SORCS2: variants seen among roughly 807,000 people sequenced by gnomAD.
The protein encoded by SORCS2 is VPS10 domain-containing receptor SorCS2.
A neutral mutation model predicts 141.6 loss-of-function variants in SORCS2; 100 were observed. That is an observed-to-expected ratio of 0.71 (90% CI 0.60 to 0.83). SORCS2 has a LOEUF of 0.83. Among genes scored for constraint, SORCS2 ranks in the 40% least tolerant of loss-of-function variants. The pLI is 0.00. For synonymous variants in SORCS2, 789 were observed against 676.9 expected, an observed-to-expected ratio of 1.17 and a Z score of -2.57; for missense variants, 1,646 against 1,560.2, an observed-to-expected ratio of 1.05 and a Z score of -0.93.
rs1008455709 is a variant in SORCS2 at position 7,201,777 on chromosome 4, G to T, written c.480+8651G>T. On this transcript the variant is annotated intron_variant, in intron 1 of 26. Coordinates refer to ENST00000507866, the MANE Select transcript of SORCS2 (RefSeq NM_020777.3). This position sits in a 1 kb window ranked among gnomAD's most constrained non-coding sequence, Gnocchi z 4.4. Reference sequence around the variant, plus strand: ...TCGCCCCTCCTTAGTCGCTAGTTTGGGTGGGTGCTCTGTGGATTGCAGGGA... The same window carrying T: ...TCGCCCCTCCTTAGTCGCTAGTTTGTGTGGGTGCTCTGTGGATTGCAGGGA... Among the ~76,000 whole-genome samples the T allele has an allele frequency of 6.6e-6, 1 of 152,164 alleles. No individual in the cohort carries two copies. The highest frequency in any genetic ancestry group is 1.5e-5 in the Non-Finnish European group (1 of 68,040).
chr4:7,577,585 G>T (rs369470945), intron 3 of SORCS2, among the ~76,000 whole-genome samples: 1 of 147,618 alleles, frequency 6.8e-6, no homozygotes, highest in East Asian at 2.0e-4. Context: ...GCATACAGGC[G>T]AAGTCAGCTA....
At chr4:7,239,853 G>T (rs984101561) in intron 1 of SORCS2, among the ~76,000 whole-genome samples, 3 of 152,200 alleles carry the variant, frequency 2.0e-5, no homozygotes, top group Admixed American at 1.3e-4. Flanking sequence ...TGTCAATGAG[G>T]GTGAACAGCC....
At chr4:7,284,609 G>T (rs1464357198) in intron 1 of SORCS2, among the ~76,000 whole-genome samples, 4 of 152,176 alleles carry the variant, frequency 2.6e-5, no homozygotes, top group African/African-American at 9.7e-5. Context: ...GAGGCCTGAA[G>T]GGGTCATGTC....
intron 10 of SORCS2, among the ~76,000 whole-genome samples, chr4:7,687,267 G>A (rs376402628): frequency 7.2e-5 from 11 of 152,220 alleles, no homozygotes; most frequent in South Asian, 2.1e-4. Flanking sequence ...CTTCTGCAGC[G>A]CAGAAGCCCA....
chr4:7,632,453 C>T (rs1319543032), intron 3 of SORCS2, among the ~76,000 whole-genome samples: 2 of 152,226 alleles, frequency 1.3e-5, no homozygotes, highest in Admixed American at 6.5e-5. Context: ...GTTTTCTTTG[C>T]TCCAATAATC....
chr4:7,305,024 C>T (rs1331495949), intron 1 of SORCS2, among the ~76,000 whole-genome samples: 3 of 132,428 alleles, frequency 2.3e-5, no homozygotes, highest in Non-Finnish European at 4.8e-5. Flanking sequence ...GGCCGACATT[C>T]TGGCTCTTCT....
At chr4:7,681,226 A>G (rs1032900176) in intron 9 of SORCS2, among the ~76,000 whole-genome samples, 3 of 152,178 alleles carry the variant, frequency 2.0e-5, no homozygotes, top group South Asian at 2.1e-4. Context: ...ACCTGCATGT[A>G]TGTTACCTTA....
intron 1 of SORCS2, among the ~76,000 whole-genome samples, chr4:7,206,167 G>T (rs2108871967): frequency 6.6e-6 from 1 of 152,350 alleles, no homozygotes; most frequent in South Asian, 2.1e-4. Context: ...TCCCTCTGCA[G>T]TCCTGTCCCC....
chr4:7,263,246 T>C (rs981705483), intron 1 of SORCS2, among the ~76,000 whole-genome samples: 2 of 152,308 alleles, frequency 1.3e-5, no homozygotes, highest in Middle Eastern at 3.4e-3. Context: ...TGAGTCATTG[T>C]TGAAATCTGT....
chr4:7,584,311 C>G (rs1560404885), intron 3 of SORCS2, among the ~76,000 whole-genome samples: 1 of 152,186 alleles, frequency 6.6e-6, no homozygotes, highest in Non-Finnish European at 1.5e-5. Context: ...TTGGGAACCC[C>G]AGAGGCCCAG....
At chr4:7,599,940 C>T (rs1225288455) in intron 3 of SORCS2, among the ~76,000 whole-genome samples, 1 of 151,880 alleles carries the variant, frequency 6.6e-6, no homozygotes, top group Non-Finnish European at 1.5e-5. Context: ...TCTCACGCCT[C>T]AGCCTCCCAA....
intron 3 of SORCS2, among the ~76,000 whole-genome samples, chr4:7,601,242 C>G (rs2158278): frequency 6.6e-6 from 1 of 151,878 alleles, no homozygotes; most frequent in African/African-American, 2.4e-5. Flanking sequence ...AAAAAACCAG[C>G]TTTGATTTAG....
intron 3 of SORCS2, among the ~76,000 whole-genome samples, chr4:7,581,230 A>G (rs1341386533): frequency 1.3e-5 from 2 of 151,590 alleles, no homozygotes; most frequent in Non-Finnish European, 2.9e-5. Context: ...AGAAAAATAT[A>G]AATTATAATA....
intron 1 of SORCS2, among the ~76,000 whole-genome samples, chr4:7,215,617 T>C (rs139756630): frequency 0.32 from 48,124 of 151,808 alleles, 8,294 homozygotes; most frequent in Non-Finnish European, 0.39. Flanking sequence ...ACGTGGAGAA[T>C]CTTTATGTCT....
Position 7,661,578 on chromosome 4 carries a change from T to C in SORCS2, c.952+14T>C, listed in dbSNP as rs1056235368. On this transcript the variant is annotated intron_variant, in intron 6 of 26. Transcript: ENST00000507866. Reference sequence around the variant, plus strand: ...ACCTCGGTGGAGGTAAGCCGGGCAGTGCACAGGCACCGGGTATCCCTGAGT... The same window carrying C: ...ACCTCGGTGGAGGTAAGCCGGGCAGCGCACAGGCACCGGGTATCCCTGAGT... 3.9e-6 allele frequency: 6 copies of C among 1,551,260 alleles called. No homozygotes were observed. Among genetic ancestry groups the C allele is most frequent in the Admixed American group, 2.0e-5 (1 of 50,950 alleles).
At chr4:7,339,819 G>C (rs929243387) in intron 1 of SORCS2, among the ~76,000 whole-genome samples, 1 of 152,202 alleles carries the variant, frequency 6.6e-6, no homozygotes, top group Non-Finnish European at 1.5e-5. Flanking sequence ...GCAAATCCTG[G>C]GTTTGGGAAG....
chr4:7,346,822 C>G (rs1720678946), intron 1 of SORCS2, among the ~76,000 whole-genome samples: 1 of 152,152 alleles, frequency 6.6e-6, no homozygotes, highest in South Asian at 2.1e-4. Context: ...TCAGACAATG[C>G]TAGTTTCTTC....
intron 3 of SORCS2, among the ~76,000 whole-genome samples, chr4:7,553,203 C>A (rs1713847770): frequency 1.3e-5 from 2 of 152,022 alleles, no homozygotes; most frequent in African/African-American, 4.8e-5. Context: ...CAGACCAAGT[C>A]ACAGATGTGT....
chr4:7,447,741 G>A (rs757063107), intron 2 of SORCS2, among the ~76,000 whole-genome samples: 2 of 152,132 alleles, frequency 1.3e-5, no homozygotes, highest in East Asian at 1.9e-4. Flanking sequence ...CTTGGAAGAC[G>A]GAGCCGGGCA....
Sources: gnomAD v4.1 joint callset for allele counts (sites outside exome capture counted in the v4.1 genomes callset) on GRCh38, gnomAD v4.1.1 for gene constraint, Gnocchi (gnomAD v3.1) non-coding constraint, MANE v1.5 for transcripts, NCBI Gene and HGNC (gene_info 2026-07-23, HGNC 2026-07-21) for gene names.